The following RANBP9 variants were observed in gnomAD, a reference collection of about 807,000 sequenced individuals.
The protein encoded by RANBP9 is ran-binding protein 9.
In RANBP9, 15 loss-of-function variants were observed where a neutral mutation model predicts 84.3. The ratio of observed to expected loss-of-function variants is 0.18; its 90% confidence interval spans 0.12 to 0.27. The LOEUF (loss-of-function observed/expected upper bound fraction) is 0.27, where lower values mean the gene tolerates loss of function less well. Ranked by LOEUF, RANBP9 falls within the 10% of genes least tolerant of loss-of-function variation. RANBP9 has a pLI of 1.00. For synonymous variants in RANBP9, 392 were observed against 349.6 expected (o/e 1.12, Z -1.35); for missense variants, 809 against 912.8 (o/e 0.89, Z 1.46).
intron 2 of RANBP9, among the ~76,000 whole-genome samples, chr6:13,676,354 T>A (rs1227098256): frequency 6.6e-6 from 1 of 152,076 alleles, no homozygotes; most frequent in Admixed American, 6.5e-5. Flanking sequence ...CCAGATGGCT[T>A]CAGGGTAATT....
chr6:13,657,193 T>C lies in RANBP9; in HGVS notation c.820A>G (p.Thr274Ala), dbSNP rs1207669674. Residue 274 changes from threonine to alanine, a missense_variant, in exon 4 of 14, where the codon ACT becomes GCT. Thr to Ala is a moderately conservative substitution (Grantham distance 58, BLOSUM62 0). This residue lies in a region of RANBP9 where 216 missense variants were observed against 329.0 expected (regional missense o/e 0.66). Transcript: ENST00000011619. Reference sequence around the variant, plus strand: ...CCAATGACATCACCAGTAGTGAAAGTTGGTCCATAAGGTTGTCCAGTTCCA... The same window carrying C: ...CCAATGACATCACCAGTAGTGAAAGCTGGTCCATAAGGTTGTCCAGTTCCA... ...SSGTGQPYGP[T>A]FTTGDVIGCC... 2.5e-6 allele frequency: 4 copies of C among 1,613,278 alleles called. No individual in the cohort carries two copies. Among genetic ancestry groups the C allele is most frequent in the Non-Finnish European group, 1.7e-6 (2 of 1,179,518 alleles).
chr6:13,705,406 C>CAAAAAAAAAAAAAAAAAAA lies in RANBP9; in HGVS notation c.571+5510_571+5528dup. On this transcript the variant is annotated intron_variant, in intron 1 of 13. Transcript: ENST00000011619. ...TGGGCGACAGAGCAAGATTCTGTCTCAAAAAAAAAAAAAAAAAAAAAAAAA... is the reference window on the plus strand; with the variant it reads ...TGGGCGACAGAGCAAGATTCTGTCTCAAAAAAAAAAAAAAAAAAAAAAAAAAAAAAAAAAAAAAAAAAAA... Among the ~76,000 whole-genome samples, 2 of 26,758 alleles carry CAAAAAAAAAAAAAAAAAAA rather than the reference C, an allele frequency of 7.5e-5. 1 individual carries two copies. The highest frequency in any genetic ancestry group is 2.5e-4 in the African/African-American group (2 of 7,914). 17.6% of individuals were successfully genotyped at this position (26,758 alleles called of 152,430 possible). A position where few individuals can be genotyped will look rare whatever the true frequency, so the allele number is the denominator to read the frequency against.
intron 1 of RANBP9, among the ~76,000 whole-genome samples, chr6:13,706,947 A>G (rs2113373056): frequency 6.6e-6 from 1 of 151,428 alleles, no homozygotes; most frequent in South Asian, 2.1e-4. Context: ...GAGAGGCTGC[A>G]ATGAGTAGAG....
At chr6:13,701,943 G>A (rs1253118360) in intron 1 of RANBP9, among the ~76,000 whole-genome samples, 1 of 152,088 alleles carries the variant, frequency 6.6e-6, no homozygotes, top group African/African-American at 2.4e-5. Flanking sequence ...CTGGACTCTG[G>A]AACCAGTTTC....
Position 13,711,104 on chromosome 6 carries a change from A to T in RANBP9, c.402T>A (p.Pro134=), listed in dbSNP as rs1758266973. The change falls in exon 1 of 14, where the codon CCT becomes CCA. Residue 134 remains proline (P), a synonymous_variant. Transcript: ENST00000011619. ...VAGSSAAAPF[P]HGDSALNEQE... The stretch of plus-strand genomic sequence containing the variant: ...GCTCGTTCAGGGCCGAGTCCCCGTG[A>T]GGGAAGGGGGCCGCGGCGCTGCTGC... The T allele has an allele frequency of 6.4e-7, 1 of 1,563,238 alleles. No homozygotes were observed. The highest frequency in any genetic ancestry group is 8.7e-7 in the Non-Finnish European group (1 of 1,154,778).
At chr6:13,705,406 CAAAAAAAAAAAAA>C (rs774239782) in intron 1 of RANBP9, among the ~76,000 whole-genome samples, 355 of 26,774 alleles carry the variant, frequency 0.013, 3 homozygotes, top group African/African-American at 0.04. Context: ...GATTCTGTCT[CAAAAAAAAAAAAA>C]AAAAAAAAAA....
At chr6:13,690,032 G>A (rs1165938217) in intron 2 of RANBP9, among the ~76,000 whole-genome samples, 1 of 152,050 alleles carries the variant, frequency 6.6e-6, no homozygotes, top group Non-Finnish European at 1.5e-5. Flanking sequence ...GTTTACATAA[G>A]TACCCTTTAC....
At chr6:13,665,526 T>A (rs1363032187) in intron 2 of RANBP9, among the ~76,000 whole-genome samples, 1 of 152,168 alleles carries the variant, frequency 6.6e-6, no homozygotes, top group East Asian at 1.9e-4. Flanking sequence ...GGAACTTTCA[T>A]ATGTTTTTGG....
At chr6:13,670,744 T>C (rs1765759170) in intron 2 of RANBP9, among the ~76,000 whole-genome samples, 1 of 145,042 alleles carries the variant, frequency 6.9e-6, no homozygotes, top group Non-Finnish European at 1.5e-5. Flanking sequence ...AGCTTGCAGT[T>C]AGCCAAGATC....
chr6:13,671,095 A>G (rs1209358975), intron 2 of RANBP9, among the ~76,000 whole-genome samples: 2 of 152,196 alleles, frequency 1.3e-5, no homozygotes, highest in Non-Finnish European at 2.9e-5. Context: ...GTAATTAGAG[A>G]TGCAAATCAA....
intron 2 of RANBP9, among the ~76,000 whole-genome samples, chr6:13,682,094 T>C (rs1183957498): frequency 1.3e-5 from 2 of 152,126 alleles, no homozygotes; most frequent in African/African-American, 4.8e-5. Context: ...ACTCCTGACC[T>C]CAGGTGTTCC....
At chr6:13,664,150 A>G (rs1349043192) in intron 2 of RANBP9, among the ~76,000 whole-genome samples, 3 of 152,178 alleles carry the variant, frequency 2.0e-5, no homozygotes, top group East Asian at 1.9e-4. Flanking sequence ...AATAACTGCA[A>G]TAAGTGAATT....
At chr6:13,649,601 C>T (rs1765249906) in intron 5 of RANBP9, among the ~76,000 whole-genome samples, 1 of 152,166 alleles carries the variant, frequency 6.6e-6, no homozygotes, top group Admixed American at 6.5e-5. Context: ...CTGCCTGTCC[C>T]CACAATGCTC....
At chr6:13,681,261 G>A (rs1466107509) in intron 2 of RANBP9, among the ~76,000 whole-genome samples, 1 of 152,112 alleles carries the variant, frequency 6.6e-6, no homozygotes, top group Non-Finnish European at 1.5e-5. Context: ...AGGAGTTGGG[G>A]GTGGGAGGAG....
rs566728684 is a variant in RANBP9, at chr6:13,697,528, G to C, written c.572-632C>G. On this transcript the variant is annotated intron_variant, in intron 1 of 13. Coordinates refer to ENST00000011619, the MANE Select transcript of RANBP9 (RefSeq NM_005493.3). ...ATTTTTTTCTTTTTAAACAACAGAAGTAACACCATGCCACTGCTGACACTT... is the reference window on the plus strand; with the variant it reads ...ATTTTTTTCTTTTTAAACAACAGAACTAACACCATGCCACTGCTGACACTT... Among the ~76,000 whole-genome samples, 7 of 152,258 alleles carry C rather than the reference G, an allele frequency of 4.6e-5. No individual in the cohort carries two copies. The East Asian group carries it at 9.6e-4, about 21-fold the overall frequency.
At chr6:13,704,040 T>A (rs1758037543) in intron 1 of RANBP9, among the ~76,000 whole-genome samples, 1 of 152,224 alleles carries the variant, frequency 6.6e-6, no homozygotes, top group Non-Finnish European at 1.5e-5. Context: ...TTGATTTCTC[T>A]CACTATCATT....
Position 13,625,744 on chromosome 6 carries a change from T to G in RANBP9, c.1968A>C (p.Ala656=), listed in dbSNP as rs1371871971. The G allele has an allele frequency of 6.2e-7, 1 of 1,610,086 alleles. No individual in the cohort carries two copies. Among genetic ancestry groups the G allele is most frequent in the South Asian group, 1.1e-5 (1 of 90,996 alleles). Reference sequence around the variant, plus strand: ...CTGGGCTGTTCCAGGGATCTGAATATGCTAGTAGACTGAATGCATCCTGTT... The same window carrying G: ...CTGGGCTGTTCCAGGGATCTGAATAGGCTAGTAGACTGAATGCATCCTGTT... ...KMLKDAFSLL[A]YSDPWNSPVG... Residue 656 remains alanine, a synonymous_variant, in exon 13 of 14, where the codon GCA becomes GCC. Coordinates refer to ENST00000011619, the MANE Select transcript of RANBP9 (RefSeq NM_005493.3).
At chr6:13,623,537 T>A (rs1420329976) in intron 13 of RANBP9, among the ~76,000 whole-genome samples, 1 of 152,140 alleles carries the variant, frequency 6.6e-6, no homozygotes, top group East Asian at 1.9e-4. Context: ...CATAGATTGA[T>A]GAGAAAGTGT....
intron 5 of RANBP9, among the ~76,000 whole-genome samples, chr6:13,646,809 CAGG>C (rs1286460687): frequency 1.3e-5 from 2 of 151,994 alleles, no homozygotes; most frequent in African/African-American, 4.8e-5. Flanking sequence ...AGAAAAAATT[CAGG>C]AGGACAAAGA....
Sources: allele counts gnomAD v4.1 joint callset (sites outside exome capture counted in the v4.1 genomes callset), GRCh38; gene constraint gnomAD v4.1.1; regional missense constraint gnomAD v4.1.1; transcripts MANE v1.5; gene names NCBI Gene and HGNC (gene_info 2026-07-23, HGNC 2026-07-21).